Variants in XYLT1 observed in about 807,000 individuals in gnomAD.
XYLT1 encodes the protein beta-D-xylosyltransferase 1.
In XYLT1, 36 loss-of-function variants were observed where a neutral mutation model predicts 91.3. The ratio of observed to expected loss-of-function variants is 0.39; its 90% CI spans 0.30 to 0.52. XYLT1 has a LOEUF of 0.52. XYLT1 is among the 20% of genes least tolerant of loss of function. XYLT1 has a pLI of 0.68. For synonymous variants in XYLT1, 588 were observed against 532.0 expected, an observed-to-expected ratio of 1.11 and a Z score of -1.45; for missense variants, 1,242 against 1,284.5, an observed-to-expected ratio of 0.97 and a Z score of 0.51.
chr16:17,249,126 A>T lies in XYLT1; in HGVS notation c.913+9862T>A, dbSNP rs374561958. On this transcript the variant is annotated intron_variant, in intron 3 of 11. Coordinates refer to ENST00000261381, the MANE Select transcript of XYLT1 (RefSeq NM_022166.4). ...ATTCTATCTGCTTTCCTCCCAAATG[A>T]ATCCATCCAAACTAGTTCCTGGCAT... Among the ~76,000 whole-genome samples, 11 of 152,282 alleles carry T rather than the reference A, an allele frequency of 7.2e-5. No homozygotes were observed. In the East Asian group the frequency reaches 1.7e-3, roughly 24 times the overall value.
chr16:17,194,199 T>A (rs1424219761), intron 5 of XYLT1: 1 of 152,210 alleles, frequency 6.6e-6, no homozygotes, highest in African/African-American at 2.4e-5. Flanking sequence ...GGTTCTATTA[T>A]TGTATCCTGA....
intron 1 of XYLT1, among the ~76,000 whole-genome samples, chr16:17,440,901 A>G (rs1336794107): frequency 6.6e-6 from 1 of 152,096 alleles, no homozygotes; most frequent in African/African-American, 2.4e-5. Flanking sequence ...AAGTTCCAAC[A>G]CTTACTAATG....
At chr16:17,400,147 A>G (rs2035945487) in intron 1 of XYLT1, among the ~76,000 whole-genome samples, 1 of 152,186 alleles carries the variant, frequency 6.6e-6, no homozygotes, top group Non-Finnish European at 1.5e-5. Flanking sequence ...CAGGAAGGAC[A>G]GGGGCTGACA....
chr16:17,135,802 T>C (rs2030696627), intron 8 of XYLT1, among the ~76,000 whole-genome samples: 1 of 152,166 alleles, frequency 6.6e-6, no homozygotes, highest in Admixed American at 6.5e-5. Flanking sequence ...CAGTAAATAT[T>C]TAAAATAGCT....
rs570731925 is a variant in XYLT1 at position 17,338,786 on chromosome 16, T to C, written c.402+19226A>G. Among the ~76,000 whole-genome samples the C allele has an allele frequency of 3.3e-5, 5 of 152,240 alleles. No individual in the cohort carries two copies. The South Asian group carries it at 1.0e-3, about 32-fold the overall frequency. ...TTTTAGTAGAGACGGGCTTTCACCA[T>C]ATTGGTCAGGCTGGTCTTAAACTCC... On this transcript the variant is annotated intron_variant, in intron 2 of 11. Transcript: ENST00000261381.
At chr16:17,218,012 G>A (rs2032892798) in intron 3 of XYLT1, among the ~76,000 whole-genome samples, 1 of 151,826 alleles carries the variant, frequency 6.6e-6, no homozygotes, top group Non-Finnish European at 1.5e-5. Flanking sequence ...GTTCACGCCT[G>A]TAATCCCAGC....
At chr16:17,250,872 A>G (rs1418121982) in intron 3 of XYLT1, 1 of 152,236 alleles carries the variant, frequency 6.6e-6, no homozygotes, top group Non-Finnish European at 1.5e-5. Context: ...TTAGCGTGGT[A>G]CCTTTTAACT....
chr16:17,239,504 TCATCCATCCATCCATCCATC>T (rs147770428), intron 3 of XYLT1, among the ~76,000 whole-genome samples: 5 of 128,218 alleles, frequency 3.9e-5, no homozygotes, highest in Non-Finnish European at 6.4e-5. Flanking sequence ...GTCCATCTAT[TCATCCATCCATCCATCCATC>T]CATCCATCCA....
At chr16:17,229,976 C>T (rs2033134044) in intron 3 of XYLT1, among the ~76,000 whole-genome samples, 1 of 152,192 alleles carries the variant, frequency 6.6e-6, no homozygotes, top group Non-Finnish European at 1.5e-5. Context: ...AGGTCACGTG[C>T]TGATAGAGGC....
In XYLT1 at chr16:17,200,745, A is replaced by C. The variant is rs2032526107; in HGVS notation, c.914-91T>G. 2.8e-6 allele frequency: 4 copies of C among 1,443,208 alleles called. No individual in the cohort carries two copies. In the Admixed American group the frequency reaches 7.3e-5, roughly 26 times the overall value. 89.4% of individuals were successfully genotyped at this position (1,443,208 alleles called of 1,614,324 possible). ...AGTTTCTCTGGTGCTTCTTTTGGGG[A>C]CTATTTTAGGGGCACAGTCATCAAA... is the stretch of plus-strand genomic sequence containing the variant. On this transcript the variant is annotated intron_variant, in intron 3 of 11. Coordinates refer to ENST00000261381, the MANE Select transcript of XYLT1 (RefSeq NM_022166.4).
intron 1 of XYLT1, among the ~76,000 whole-genome samples, chr16:17,413,591 C>A (rs996727847): frequency 2.6e-5 from 4 of 152,022 alleles, no homozygotes; most frequent in African/African-American, 7.2e-5. Context: ...GTGCTCACCA[C>A]CATGCCTGGC....
At chr16:17,155,096 C>T (rs1292658656) in intron 6 of XYLT1, among the ~76,000 whole-genome samples, 1 of 152,146 alleles carries the variant, frequency 6.6e-6, no homozygotes, top group East Asian at 1.9e-4. Flanking sequence ...TCAAAGTCAC[C>T]AGTGCATTGG....
At chr16:17,306,835 A>G (rs1023766482) in intron 2 of XYLT1, among the ~76,000 whole-genome samples, 1 of 152,064 alleles carries the variant, frequency 6.6e-6, no homozygotes, top group African/African-American at 2.4e-5. Flanking sequence ...CATGAAGTCA[A>G]AAGGGTATTA....
chr16:17,285,430 C>G (rs1596465483), intron 2 of XYLT1, among the ~76,000 whole-genome samples: 1 of 152,216 alleles, frequency 6.6e-6, no homozygotes, highest in Admixed American at 6.5e-5. Flanking sequence ...CTGGAGAGAT[C>G]TGGTAGCAGA....
At chr16:17,197,215 G>C (rs891925546) in intron 5 of XYLT1, among the ~76,000 whole-genome samples, 1 of 151,404 alleles carries the variant, frequency 6.6e-6, no homozygotes, top group Non-Finnish European at 1.5e-5. Flanking sequence ...GCTGTTCCTC[G>C]CACAGGCCAG....
chr16:17,242,841 C>G (rs1399474454), intron 3 of XYLT1, among the ~76,000 whole-genome samples: 1 of 152,188 alleles, frequency 6.6e-6, no homozygotes, highest in Non-Finnish European at 1.5e-5. Context: ...CTCTAGATAC[C>G]TTGTGTAAGG....
At chr16:17,404,760 C>A (rs908110159) in intron 1 of XYLT1, among the ~76,000 whole-genome samples, 4 of 150,754 alleles carry the variant, frequency 2.7e-5, no homozygotes, top group African/African-American at 4.9e-5. Context: ...TATATTGAGA[C>A]CCTGTCTCTA....
intron 2 of XYLT1, among the ~76,000 whole-genome samples, chr16:17,303,998 CGT>C (rs140606021): frequency 3.1e-4 from 46 of 149,782 alleles, no homozygotes; most frequent in African/African-American, 4.1e-4. Context: ...TATACATGTG[CGT>C]GTGTGTGTGT....
At chr16:17,340,963 C>G (rs1039356937) in intron 2 of XYLT1, among the ~76,000 whole-genome samples, 1 of 152,194 alleles carries the variant, frequency 6.6e-6, no homozygotes, top group African/African-American at 2.4e-5. Flanking sequence ...CAGCAAGATA[C>G]TGTTTTTACT....
Sources: allele counts gnomAD v4.1 joint callset (sites outside exome capture counted in the v4.1 genomes callset), GRCh38; gene constraint gnomAD v4.1.1; transcripts MANE v1.5; gene names NCBI Gene and HGNC (gene_info 2026-07-23, HGNC 2026-07-21).